The following WHR1 variants were observed in gnomAD, a reference collection of about 807,000 sequenced individuals.
The protein encoded by WHR1 is MHC class III HLA-RP1.
chr6:31,972,027 G>A, the WHR1 span: 1 of 1,609,036 alleles, frequency 6.2e-7, no homozygotes. The surrounding 1 kb of genome is among the most constrained non-coding windows in gnomAD (Gnocchi z 6.3). Context: ...TTTCGATGAT[G>A]CAATCATTCA....
At chr6:31,973,967 CAGAG>C in the WHR1 span, among the ~76,000 whole-genome samples, 1 of 152,002 alleles carries the variant, frequency 6.6e-6, no homozygotes, top group African/African-American at 2.4e-5. Flanking sequence ...GTGACAGAGG[CAGAG>C]AGGGACTTGC....
the WHR1 span, among the ~76,000 whole-genome samples, chr6:31,977,944 C>T: frequency 7.2e-5 from 11 of 152,222 alleles, no homozygotes; most frequent in South Asian, 4.2e-4. Context: ...CACATCACCA[C>T]GCCCGGCTAA....
the WHR1 span, chr6:31,978,871 G>T: frequency 6.2e-7 from 1 of 1,604,892 alleles, no homozygotes; most frequent in African/African-American, 1.3e-5. Context: ...ACCCTGATAC[G>T]CCTCTTTTCA....
At chr6:31,972,270 G>A in the WHR1 span, 8 of 1,613,138 alleles carry the variant, frequency 5.0e-6, no homozygotes, top group Middle Eastern at 1.6e-4. This position sits in a 1 kb window ranked among gnomAD's most constrained non-coding sequence, Gnocchi z 6.3. Context: ...GGGACGACAA[G>A]TTGACGCTCC....
the WHR1 span, chr6:31,981,064 A>G: frequency 2.2e-6 from 1 of 464,094 alleles, no homozygotes. Context: ...TCTGCTCATC[A>G]TTGCTCAGCT....
chr6:31,979,140 T>C, the WHR1 span: 2 of 759,308 alleles, frequency 2.6e-6, no homozygotes, highest in Non-Finnish European at 4.2e-6. Context: ...CCCTGGTAAA[T>C]AGTAATATGA....
chr6:31,979,590 G>C, the WHR1 span: 86 of 1,608,930 alleles, frequency 5.3e-5, no homozygotes, highest in Non-Finnish European at 6.5e-5. Flanking sequence ...CAGGCATCTG[G>C]TGCTTCCCTG....
the WHR1 span, among the ~76,000 whole-genome samples, chr6:31,979,200 G>C: frequency 7.7e-6 from 1 of 129,286 alleles, no homozygotes; most frequent in Non-Finnish European, 1.7e-5. Context: ...TAAAGAGGGG[G>C]GGAGAGGAGG....
the WHR1 span, chr6:31,972,180 G>A: frequency 5.0e-6 from 8 of 1,611,744 alleles, no homozygotes; most frequent in Non-Finnish European, 5.9e-6. The surrounding 1 kb of genome is among the most constrained non-coding windows in gnomAD (Gnocchi z 6.3). Flanking sequence ...GCCAATCCGC[G>A]GCCGGCGTGG....
the WHR1 span, chr6:31,971,415 T>C: frequency 6.2e-7 from 1 of 1,606,892 alleles, no homozygotes; most frequent in Non-Finnish European, 8.5e-7. The surrounding 1 kb of genome is among the most constrained non-coding windows in gnomAD (Gnocchi z 4.5). Context: ...GATCCGGGTA[T>C]CCGTCTCTGA....
chr6:31,976,179 G>C, the WHR1 span, among the ~76,000 whole-genome samples: 1 of 149,426 alleles, frequency 6.7e-6, no homozygotes, highest in African/African-American at 2.5e-5. Flanking sequence ...TGGCCGGGCA[G>C]AGGGGCTCCT....
the WHR1 span, chr6:31,980,325 T>C: frequency 5.8e-6 from 5 of 858,432 alleles, no homozygotes; most frequent in Non-Finnish European, 8.8e-6. Context: ...GCTGGGATTT[T>C]GTTATCCAGT....
the WHR1 span, among the ~76,000 whole-genome samples, chr6:31,976,961 G>C: frequency 6.6e-6 from 1 of 152,232 alleles, no homozygotes; most frequent in African/African-American, 2.4e-5. Context: ...GGAGAGTCAG[G>C]CAGGGAGGTT....
At chr6:31,971,517 GGA>G in the WHR1 span, 1 of 1,614,188 alleles carries the variant, frequency 6.2e-7, no homozygotes, top group Non-Finnish European at 8.5e-7. This position sits in a 1 kb window ranked among gnomAD's most constrained non-coding sequence, Gnocchi z 4.5. Context: ...GAGCATCCAG[GGA>G]GAAGCAGCCC....
At chr6:31,977,090 A>G in the WHR1 span, among the ~76,000 whole-genome samples, 1 of 151,956 alleles carries the variant, frequency 6.6e-6, no homozygotes, top group Admixed American at 6.6e-5. Flanking sequence ...TCTCTCTTTG[A>G]GTTTTGTTTC....
chr6:31,975,907 G>C, the WHR1 span, among the ~76,000 whole-genome samples: 3 of 150,522 alleles, frequency 2.0e-5, no homozygotes, highest in Non-Finnish European at 4.4e-5. Flanking sequence ...CCGGGCGGGG[G>C]GCTGACCCCC....
At chr6:31,980,732 C>A in the WHR1 span, 25 of 1,585,632 alleles carry the variant, frequency 1.6e-5, no homozygotes, top group Non-Finnish European at 2.1e-5. Context: ...GGCCGGCGGG[C>A]GCCTGTCGTG....
the WHR1 span, chr6:31,978,916 A>G: frequency 1.2e-6 from 2 of 1,612,624 alleles, no homozygotes; most frequent in Non-Finnish European, 1.7e-6. Flanking sequence ...GAGCTTCAAG[A>G]GCAGGGGGAG....
the WHR1 span, among the ~76,000 whole-genome samples, chr6:31,976,938 G>T: frequency 6.6e-6 from 1 of 152,218 alleles, no homozygotes. Context: ...CAGGCACTCG[G>T]CAGGCTGAGG....
Sources: allele counts gnomAD v4.1 joint callset (sites outside exome capture counted in the v4.1 genomes callset), GRCh38; gene constraint gnomAD v4.1.1; non-coding constraint Gnocchi (gnomAD v3.1); transcripts MANE v1.5; gene names NCBI Gene and HGNC (gene_info 2026-07-23, HGNC 2026-07-21).